MACROD2: variants seen among roughly 807,000 people sequenced by gnomAD.
MACROD2 encodes the protein mono-ADP ribosylhydrolase 2.
Under a neutral mutation model 70.4 loss-of-function variants are expected in MACROD2, and 36 were observed. That is an observed-to-expected ratio of 0.51 (90% confidence interval 0.39 to 0.68). The LOEUF is 0.68. Among genes scored for constraint, MACROD2 ranks in the 30% least tolerant of loss-of-function variants. The probability of loss-of-function intolerance (pLI) is 0.00; values close to 1 mark genes in which losing one functional copy is unlikely to be tolerated. For missense variants in MACROD2, 496 were observed against 538.4 expected, an observed-to-expected ratio of 0.92 and a Z score of 0.78; for synonymous variants, 172 against 178.8, an observed-to-expected ratio of 0.96 and a Z score of 0.30.
At chr20:15,021,121 C>CAT (rs368283801) in intron 5 of MACROD2, among the ~76,000 whole-genome samples, 3,810 of 102,136 alleles carry the variant, frequency 0.037, 542 homozygotes, top group African/African-American at 0.15. Flanking sequence ...TGTGTATACA[C>CAT]GTGTGTATAC....
chr20:14,347,735 C>G (rs1211442474), intron 3 of MACROD2, among the ~76,000 whole-genome samples: 3 of 152,154 alleles, frequency 2.0e-5, no homozygotes, highest in Non-Finnish European at 4.4e-5. Context: ...CTACCATTTG[C>G]TTTAGAAGAA....
intron 5 of MACROD2, among the ~76,000 whole-genome samples, chr20:14,962,778 G>T (rs1157202377): frequency 6.8e-6 from 1 of 147,604 alleles, no homozygotes; most frequent in Admixed American, 6.8e-5. Flanking sequence ...CCTCACCAAT[G>T]CTCTTTCTCT....
At chr20:14,866,803 G>A (rs995982694) in intron 5 of MACROD2, among the ~76,000 whole-genome samples, 2 of 151,982 alleles carry the variant, frequency 1.3e-5, no homozygotes, top group Non-Finnish European at 2.9e-5. Context: ...GTGTTTATCC[G>A]GGGAGTAAGC....
intron 5 of MACROD2, among the ~76,000 whole-genome samples, chr20:14,775,450 G>A (rs1055521717): frequency 1.3e-5 from 2 of 152,018 alleles, no homozygotes; most frequent in Admixed American, 1.3e-4. Flanking sequence ...TATTTGACAT[G>A]ATGAGAGAGG....
chr20:14,975,270 G>A lies in MACROD2; in HGVS notation c.419-254670G>A, dbSNP rs78509615. Among the ~76,000 whole-genome samples, 422 of 152,248 alleles carry A rather than the reference G, an allele frequency of 2.8e-3. 3 individuals are homozygous for A. The highest frequency in any genetic ancestry group is 9.6e-3 in the African/African-American group (397 of 41,538). ...AGAAAAGGAGGCCAAGAACCAGCAGGCTGAGAGGAGGAACAGACACTTGGG... is the reference window on the plus strand; with the variant it reads ...AGAAAAGGAGGCCAAGAACCAGCAGACTGAGAGGAGGAACAGACACTTGGG... On this transcript the variant is annotated intron_variant, in intron 5 of 17. Transcript: ENST00000684519.
At chr20:15,701,009 G>A (rs1015626979) in intron 8 of MACROD2, among the ~76,000 whole-genome samples, 5 of 152,148 alleles carry the variant, frequency 3.3e-5, no homozygotes, top group Non-Finnish European at 5.9e-5. Context: ...TTTAACCGAC[G>A]ATGCTCATGT....
intron 5 of MACROD2, among the ~76,000 whole-genome samples, chr20:14,909,384 A>G (rs1358156540): frequency 6.6e-6 from 1 of 152,128 alleles, no homozygotes; most frequent in Non-Finnish European, 1.5e-5. Context: ...CAAAGTTGAC[A>G]TTCATCAAGC....
intron 8 of MACROD2, among the ~76,000 whole-genome samples, chr20:15,664,481 A>G (rs1407838209): frequency 1.3e-5 from 2 of 151,990 alleles, no homozygotes; most frequent in Admixed American, 6.6e-5. Flanking sequence ...TTTGCGTAAC[A>G]CCCCCCTAAT....
At chr20:15,630,043 A>G (rs1341548511) in intron 8 of MACROD2, among the ~76,000 whole-genome samples, 1 of 152,174 alleles carries the variant, frequency 6.6e-6, no homozygotes, top group African/African-American at 2.4e-5. Context: ...AACATAAGGA[A>G]GTCACTTGGC....
At chr20:16,018,259 G>A (rs930070339) in intron 15 of MACROD2, among the ~76,000 whole-genome samples, 3 of 152,122 alleles carry the variant, frequency 2.0e-5, no homozygotes, top group South Asian at 2.1e-4. Context: ...TGAGATCATC[G>A]GTTTAGGTAC....
chr20:15,422,293 CAAG>C (rs2046239759), intron 6 of MACROD2, among the ~76,000 whole-genome samples: 1 of 152,242 alleles, frequency 6.6e-6, no homozygotes, highest in African/African-American at 2.4e-5. Context: ...GTGATGGCCT[CAAG>C]GAGGGTGTTC....
intron 8 of MACROD2, among the ~76,000 whole-genome samples, chr20:15,625,513 G>C (rs1247537218): frequency 6.6e-6 from 1 of 152,128 alleles, no homozygotes; most frequent in Non-Finnish European, 1.5e-5. Context: ...GTAAGAAATG[G>C]CTTGCCGTAA....
chr20:15,146,928 C>T (rs865968212), intron 5 of MACROD2, among the ~76,000 whole-genome samples: 16 of 152,248 alleles, frequency 1.1e-4, no homozygotes, highest in African/African-American at 2.9e-4. Flanking sequence ...TTCTGATTTG[C>T]AGCCTTACTT....
chr20:15,953,666 T>C (rs1477809992), intron 12 of MACROD2, among the ~76,000 whole-genome samples: 1 of 152,210 alleles, frequency 6.6e-6, no homozygotes, highest in African/African-American at 2.4e-5. Flanking sequence ...GAAAATAGTA[T>C]GTTTCAGGTT....
intron 4 of MACROD2, among the ~76,000 whole-genome samples, chr20:14,519,446 G>A (rs1249927780): frequency 6.6e-6 from 1 of 151,988 alleles, no homozygotes; most frequent in Non-Finnish European, 1.5e-5. Flanking sequence ...CATACATGCA[G>A]CCAAAAAGCA....
chr20:15,590,325 G>C (rs1205813584), intron 8 of MACROD2, among the ~76,000 whole-genome samples: 1 of 152,118 alleles, frequency 6.6e-6, no homozygotes, highest in African/African-American at 2.4e-5. Context: ...TAAAGCTGAA[G>C]AAACAAAGGC....
intron 12 of MACROD2, among the ~76,000 whole-genome samples, chr20:15,957,350 A>G (rs1184004138): frequency 2.0e-5 from 3 of 152,166 alleles, no homozygotes; most frequent in Non-Finnish European, 2.9e-5. Context: ...CTTTTGGGAA[A>G]TTTTTTAGTA....
At chr20:14,458,723 G>A (rs538182422) in intron 3 of MACROD2, among the ~76,000 whole-genome samples, 128 of 151,624 alleles carry the variant, frequency 8.4e-4, no homozygotes, top group African/African-American at 3.0e-3. Flanking sequence ...ATAAAAGAAG[G>A]GAAAAAAAAG....
chr20:15,070,032 A>G (rs770398899), intron 5 of MACROD2, among the ~76,000 whole-genome samples: 1 of 152,168 alleles, frequency 6.6e-6, no homozygotes, highest in Non-Finnish European at 1.5e-5. Flanking sequence ...GCAGTCACAG[A>G]GCACAGAGGC....
Sources: allele counts gnomAD v4.1 joint callset (sites outside exome capture counted in the v4.1 genomes callset), GRCh38; gene constraint gnomAD v4.1.1; transcripts MANE v1.5; gene names NCBI Gene and HGNC (gene_info 2026-07-23, HGNC 2026-07-21).